The following CASR variants were observed in gnomAD, a reference collection of about 807,000 sequenced individuals.
CASR encodes calcium sensing receptor.
A neutral mutation model predicts 69.1 loss-of-function variants in CASR; 23 were observed. The ratio of observed to expected loss-of-function variants is 0.33; its 90% CI spans 0.24 to 0.47. The LOEUF is 0.47. Ranked by LOEUF, CASR falls within the 20% of genes least tolerant of loss-of-function variation. CASR has a pLI of 1.00. For missense variants in CASR, 924 were observed against 1,356.1 expected, an observed-to-expected ratio of 0.68 and a Z score of 5.00; for synonymous variants, 541 against 544.7, an observed-to-expected ratio of 0.99 and a Z score of 0.10.
chr3:122,206,764 T>C (rs950636229), intron 1 of CASR, among the ~76,000 whole-genome samples: 1 of 152,078 alleles, frequency 6.6e-6, no homozygotes, highest in Non-Finnish European at 1.5e-5. Flanking sequence ...TCAATATTGG[T>C]TTATTGAGGT....
intron 1 of CASR, chr3:122,247,115 CTCAG>C (rs1301245277): frequency 2.6e-5 from 4 of 152,206 alleles, no homozygotes; most frequent in Non-Finnish European, 4.4e-5. Flanking sequence ...ATGCTTTCCA[CTCAG>C]TCAGCCCTTC....
At chr3:122,227,070 G>A (rs1317368510) in intron 1 of CASR, among the ~76,000 whole-genome samples, 3 of 152,246 alleles carry the variant, frequency 2.0e-5, no homozygotes, top group Non-Finnish European at 4.4e-5. Flanking sequence ...GACACAGAGT[G>A]CTGATTGGTG....
At chr3:122,247,591 G>T in intron 1 of CASR, 1 of 152,196 alleles carries the variant, frequency 6.6e-6, no homozygotes. Flanking sequence ...CTTCCTGTGG[G>T]CTATGTCGCC....
chr3:122,232,943 A>T (rs1461322975), intron 1 of CASR, among the ~76,000 whole-genome samples: 1 of 152,158 alleles, frequency 6.6e-6, no homozygotes, highest in Non-Finnish European at 1.5e-5. Flanking sequence ...TGATAAAGAC[A>T]AAAATAAGAC....
intron 1 of CASR, among the ~76,000 whole-genome samples, chr3:122,211,402 A>G (rs1009994688): frequency 1.3e-5 from 2 of 152,094 alleles, no homozygotes; most frequent in South Asian, 2.1e-4. Context: ...GAAAAAAACA[A>G]CCCCATTAAA....
chr3:122,193,848 CT>C (rs1360139487), intron 1 of CASR, among the ~76,000 whole-genome samples: 1 of 152,030 alleles, frequency 6.6e-6, no homozygotes, highest in Middle Eastern at 3.4e-3. Context: ...AGTTACTTTA[CT>C]TTTTTTTATC....
chr3:122,262,013 G>A lies in CASR; in HGVS notation c.978G>A (p.Gln326=), dbSNP rs916694180. The part of the protein sequence containing the change: ...GTIGFALKAG[Q]IPGFREFLKK... ...TTGGATTCGCTCTGAAGGCTGGGCA[G>A]ATCCCAGGCTTCCGGGAATTCCTGA... is the stretch of plus-strand genomic sequence containing the variant. The change falls in exon 4 of 7, where the codon CAG becomes CAA. Residue 326 remains glutamine, a synonymous_variant. Transcript: ENST00000639785. 2.5e-6 allele frequency: 4 copies of A among 1,614,248 alleles called. No homozygotes were observed. Among genetic ancestry groups the A allele is most frequent in the African/African-American group, 1.3e-5 (1 of 75,058 alleles).
Position 122,286,151 on chromosome 3 carries a change from A to G in CASR, c.*960A>G, listed in dbSNP as rs2074967161. 6.6e-6 allele frequency: 1 copy of G among 152,504 alleles called. No homozygotes were observed. Among genetic ancestry groups the G allele is most frequent in the Non-Finnish European group, 1.5e-5 (1 of 68,030 alleles). The allele number at this position is 152,504 out of a possible 1,614,324, so 9.4% of individuals were successfully genotyped here. A position where few individuals can be genotyped will look rare whatever the true frequency, so the allele number is the denominator to read the frequency against. The stretch of plus-strand genomic sequence containing the variant: ...GTAAGTTCTCAATTATTGGCCTGCT[A>G]ATAGCTGCTAGGGTAGGAAAGCGTG... On this transcript the variant is annotated 3_prime_UTR_variant, in exon 7 of 7. Transcript: ENST00000639785.
chr3:122,284,286 G>A lies in CASR; in HGVS notation c.2332G>A (p.Gly778Ser), dbSNP rs1479933693. The change falls in exon 7 of 7, where the codon GGC becomes AGC. Residue 778 changes from glycine (G) to serine (S), a missense_variant. Transcript: ENST00000639785. ...CCTCATGGCCCTGGGCTTCCTGATCGGCTACACCTGCCTGCTGGCTGCCAT... is the reference window on the plus strand; with the variant it reads ...CCTCATGGCCCTGGGCTTCCTGATCAGCTACACCTGCCTGCTGGCTGCCAT... ...GSLMALGFLI[G>S]YTCLLAAICF... 8 of 1,613,948 alleles carry A rather than the reference G, an allele frequency of 5.0e-6. No individual in the cohort carries two copies. The highest frequency in any genetic ancestry group is 6.8e-6 in the Non-Finnish European group (8 of 1,180,048).
intron 1 of CASR, among the ~76,000 whole-genome samples, chr3:122,251,331 G>T (rs910862873): frequency 6.6e-6 from 1 of 152,176 alleles, no homozygotes. Context: ...TCTTACAGGT[G>T]GACCTCCCCT....
chr3:122,223,233 T>A (rs569957636), intron 1 of CASR, among the ~76,000 whole-genome samples: 2 of 151,856 alleles, frequency 1.3e-5, no homozygotes, highest in Non-Finnish European at 2.9e-5. Context: ...CTGAACTTGA[T>A]GAAATTGAGA....
At chr3:122,199,600 C>G (rs1327824954) in intron 1 of CASR, among the ~76,000 whole-genome samples, 1 of 151,830 alleles carries the variant, frequency 6.6e-6, no homozygotes, top group Admixed American at 6.6e-5. Flanking sequence ...TAAAAATAGT[C>G]CATAATCTGT....
chr3:122,282,079 A>G, intron 5 of CASR, 34 bp from the exon 6 acceptor site: 1 of 1,614,088 alleles, frequency 6.2e-7, no homozygotes, highest in Non-Finnish European at 8.5e-7. Flanking sequence ...CCCTACAACT[A>G]CAGCCACTCA....
chr3:122,224,895 C>A (rs146500447), intron 1 of CASR, among the ~76,000 whole-genome samples: 29 of 152,156 alleles, frequency 1.9e-4, no homozygotes, highest in African/African-American at 6.3e-4. Context: ...CCACACACCT[C>A]CAACCACCTG....
chr3:122,212,867 C>T (rs1286715204), intron 1 of CASR, among the ~76,000 whole-genome samples: 2 of 152,124 alleles, frequency 1.3e-5, no homozygotes, highest in Non-Finnish European at 2.9e-5. Flanking sequence ...GTCTCAAACT[C>T]CTGACCTCAG....
chr3:122,256,987 A>G (rs1337828406), intron 2 of CASR, 94 bp from the exon 3 acceptor site: 3 of 997,086 alleles, frequency 3.0e-6, no homozygotes, highest in Non-Finnish European at 4.8e-6. Context: ...GAGTAGTAAC[A>G]GTTCGATGAT....
At chr3:122,211,348 G>C (rs2074063587) in intron 1 of CASR, among the ~76,000 whole-genome samples, 2 of 152,154 alleles carry the variant, frequency 1.3e-5, no homozygotes, top group Non-Finnish European at 2.9e-5. Context: ...ATCTGACAAA[G>C]GCCTGATATC....
At chr3:122,233,997 G>A (rs2074303908) in intron 1 of CASR, among the ~76,000 whole-genome samples, 1 of 152,172 alleles carries the variant, frequency 6.6e-6, no homozygotes, top group South Asian at 2.1e-4. Flanking sequence ...TCTATCTCTG[G>A]ACACAAAACA....
At chr3:122,247,402 A>G (rs1157736855) in intron 1 of CASR, 1 of 152,208 alleles carries the variant, frequency 6.6e-6, no homozygotes, top group Non-Finnish European at 1.5e-5. Context: ...ATGTTATTCC[A>G]CAGAAATGTT....
Sources: gnomAD v4.1 joint callset for allele counts (sites outside exome capture counted in the v4.1 genomes callset) on GRCh38, gnomAD v4.1.1 for gene constraint, MANE v1.5 for transcripts, NCBI Gene and HGNC (gene_info 2026-07-23, HGNC 2026-07-21) for gene names.